Variants in CTNNA2 observed in about 807,000 individuals in gnomAD.
The protein encoded by CTNNA2 is catenin alpha 2.
CTNNA2 carries 42 observed loss-of-function variants against 101.0 expected under a neutral mutation model. The observed-to-expected ratio is 0.42, with a 90% CI of 0.32 to 0.54. The LOEUF is 0.54. CTNNA2 is among the 20% of genes least tolerant of loss of function. CTNNA2 has a pLI of 0.14. For synonymous variants in CTNNA2, 450 were observed against 456.4 expected, an observed-to-expected ratio of 0.99 and a Z score of 0.18; for missense variants, 871 against 1,223.1, an observed-to-expected ratio of 0.71 and a Z score of 4.29.
chr2:80,569,498 ACT>A (rs1270903138), intron 12 of CTNNA2, among the ~76,000 whole-genome samples: 3 of 151,876 alleles, frequency 2.0e-5, no homozygotes, highest in African/African-American at 7.3e-5. Flanking sequence ...TATATCAAAA[ACT>A]CTGTTAATAC....
At chr2:80,149,132 A>C (rs1703539727) in intron 7 of CTNNA2, among the ~76,000 whole-genome samples, 1 of 151,198 alleles carries the variant, frequency 6.6e-6, no homozygotes, top group Admixed American at 6.6e-5. Context: ...GCTTGAGCTT[A>C]AGGAATTCTC....
At chr2:79,519,356 A>G (rs1406199581) in intron 1 of CTNNA2, among the ~76,000 whole-genome samples, 1 of 151,570 alleles carries the variant, frequency 6.6e-6, no homozygotes, top group Non-Finnish European at 1.5e-5. Flanking sequence ...TTCAACAGGT[A>G]TTTTTTGAAA....
rs185501443 is a variant in CTNNA2, at chr2:80,444,580, T to C, written c.1290+24979T>C. ...GTACCCCGCTCCCATCTAATTCATA[T>C]GTTGAAGTTTTAGCCCCCAGCATGA... On this transcript the variant is annotated intron_variant, in intron 9 of 18. Coordinates refer to ENST00000402739, the MANE Select transcript of CTNNA2 (RefSeq NM_001282597.3). Among the ~76,000 whole-genome samples the C allele has an allele frequency of 2.6e-3, 403 of 152,272 alleles. 2 individuals carry two copies. Among genetic ancestry groups the C allele is most frequent in the Non-Finnish European group, 4.6e-3 (311 of 68,030 alleles).
At chr2:79,822,186 T>A (rs940723769) in intron 3 of CTNNA2, among the ~76,000 whole-genome samples, 23 of 79,964 alleles carry the variant, frequency 2.9e-4, no homozygotes, top group African/African-American at 4.3e-4. Flanking sequence ...ATTCCAACGG[T>A]TTTTTTTTTT....
At chr2:80,060,225 C>T (rs1697486022) in intron 7 of CTNNA2, among the ~76,000 whole-genome samples, 1 of 152,178 alleles carries the variant, frequency 6.6e-6, no homozygotes, top group Admixed American at 6.5e-5. Context: ...CAGAAACCAC[C>T]CTTGTAAGAC....
Position 80,210,610 on chromosome 2 carries a change from T to C in CTNNA2, c.1057-182601T>C, listed in dbSNP as rs554493846. On this transcript the variant is annotated intron_variant, in intron 7 of 18. Coordinates refer to ENST00000402739, the MANE Select transcript of CTNNA2 (RefSeq NM_001282597.3). Reference sequence around the variant, plus strand: ...TGCCACATTTTCTTAATCCAGTCTATCATTGATGGACATTTGGGTTGGTTC... The same window carrying C: ...TGCCACATTTTCTTAATCCAGTCTACCATTGATGGACATTTGGGTTGGTTC... 2.0e-5 allele frequency among the ~76,000 whole-genome samples: 3 copies of C among 152,312 alleles called. No individual in the cohort carries two copies. In the East Asian group the frequency reaches 5.8e-4, roughly 29 times the overall value.
chr2:80,512,638 A>G (rs1426390181), intron 9 of CTNNA2, among the ~76,000 whole-genome samples: 1 of 151,100 alleles, frequency 6.6e-6, no homozygotes, highest in Non-Finnish European at 1.5e-5. Flanking sequence ...TACATTTTCT[A>G]TTTTGGAAAA....
At chr2:79,340,582 C>T (rs1266511285) in intron 3 of CTNNA2, among the ~76,000 whole-genome samples, 1 of 151,950 alleles carries the variant, frequency 6.6e-6, no homozygotes, top group African/African-American at 2.4e-5. Context: ...GCCTGTAATC[C>T]CAGCACTTTG....
chr2:80,239,367 G>A (rs1412655100), intron 7 of CTNNA2, among the ~76,000 whole-genome samples: 1 of 152,148 alleles, frequency 6.6e-6, no homozygotes, highest in Non-Finnish European at 1.5e-5. Flanking sequence ...GGATGTTTGT[G>A]TATGTGTGTG....
chr2:80,258,302 TA>T (rs1672329366), intron 7 of CTNNA2, among the ~76,000 whole-genome samples: 1 of 152,206 alleles, frequency 6.6e-6, no homozygotes, highest in South Asian at 2.1e-4. Flanking sequence ...AATCTCAGGT[TA>T]TTTTTTTGCA....
rs1685275237 is a variant in CTNNA2 at position 79,705,208 on chromosome 2, A to G, written c.103-39179A>G. On this transcript the variant is annotated intron_variant, in intron 2 of 18. Transcript: ENST00000402739. ...AGGCTGAGAAATCCTGTTGTAGACC[A>G]AGTACAGTAGTTACCCCCTTATCCC... Among the ~76,000 whole-genome samples, 3 of 152,156 alleles carry G rather than the reference A, an allele frequency of 2.0e-5. No individual in the cohort carries two copies. The South Asian group carries it at 6.2e-4, about 32-fold the overall frequency.
intron 7 of CTNNA2, among the ~76,000 whole-genome samples, chr2:80,356,535 A>G (rs1202645489): frequency 6.6e-6 from 1 of 152,176 alleles, no homozygotes; most frequent in African/African-American, 2.4e-5. Context: ...TGTCCTGGCA[A>G]TGGAGATGTG....
intron 7 of CTNNA2, among the ~76,000 whole-genome samples, chr2:80,164,950 T>TTTTGTTTTG (rs1553461429): frequency 0.09 from 13,463 of 148,824 alleles, 1,414 homozygotes; most frequent in African/African-American, 0.26. Flanking sequence ...TTTTTTTTTT[T>TTTTGTTTTG]TTTTTTTCTA....
intron 7 of CTNNA2, among the ~76,000 whole-genome samples, chr2:80,061,320 G>A (rs377186027): frequency 6.6e-6 from 1 of 151,824 alleles, no homozygotes; most frequent in Admixed American, 6.6e-5. Context: ...AAAAGAATGA[G>A]ACAAAAAAGG....
intron 1 of CTNNA2, among the ~76,000 whole-genome samples, chr2:79,515,360 T>C (rs1320981680): frequency 6.6e-6 from 1 of 152,236 alleles, no homozygotes; most frequent in East Asian, 1.9e-4. Flanking sequence ...TTTGTCCAAA[T>C]TTCTTTCAAA....
intron 7 of CTNNA2, among the ~76,000 whole-genome samples, chr2:80,385,670 C>T (rs529456291): frequency 2.6e-4 from 40 of 152,208 alleles, no homozygotes; most frequent in African/African-American, 9.4e-4. Context: ...AATTCTTCAT[C>T]CCTTTCTTGC....
Position 80,619,171 on chromosome 2 carries a change from C to T in CTNNA2, c.2517C>T (p.His839=), listed in dbSNP as rs1016379864. 4 of 1,582,420 alleles carry T rather than the reference C, an allele frequency of 2.5e-6. No individual in the cohort carries two copies. Among genetic ancestry groups the T allele is most frequent in the Non-Finnish European group, 3.4e-6 (4 of 1,163,656 alleles). ...GCAGGGCTAGTCAACTTTCTACCCA[C>T]CTCCCAACCTGTGCTGAGGGAGCTC... ...DGGRASQLST[H]LPTCAEGAPI... is the part of the protein sequence containing the mutation. The change falls in exon 18 of 19, where the codon CAC becomes CAT. Residue 839 remains histidine (H), a synonymous_variant. Transcript: ENST00000402739.
chr2:79,847,473 G>A (rs1358834220), intron 3 of CTNNA2, among the ~76,000 whole-genome samples: 1 of 138,718 alleles, frequency 7.2e-6, no homozygotes, highest in Non-Finnish European at 1.6e-5. Flanking sequence ...AACCTGGGAG[G>A]TGAAGGTTGT....
chr2:80,324,948 AG>A (rs1679098720), intron 7 of CTNNA2, among the ~76,000 whole-genome samples: 1 of 152,196 alleles, frequency 6.6e-6, no homozygotes, highest in Non-Finnish European at 1.5e-5. Context: ...TCATTATCAT[AG>A]CACCTGCTTT....
Sources: gnomAD v4.1 joint callset for allele counts (sites outside exome capture counted in the v4.1 genomes callset) on GRCh38, gnomAD v4.1.1 for gene constraint, MANE v1.5 for transcripts, NCBI Gene and HGNC (gene_info 2026-07-23, HGNC 2026-07-21) for gene names.